DNAJC24: variants seen among roughly 807,000 people sequenced by gnomAD.
DNAJC24 encodes DnaJ heat shock protein family (Hsp40) member C24.
A neutral mutation model predicts 18.0 loss-of-function variants in DNAJC24; 17 were observed. That is an observed-to-expected ratio of 0.94 (90% CI 0.65 to 1.42). DNAJC24 has a LOEUF of 1.42. DNAJC24 is among the 40% of genes most tolerant of loss of function. DNAJC24 has a pLI of 0.00. For synonymous variants in DNAJC24, 55 were observed against 57.7 expected (o/e 0.95, Z 0.21); for missense variants, 158 against 175.6 (o/e 0.90, Z 0.57).
At chr11:31,395,422 T>G (rs1166542917) in intron 2 of DNAJC24, among the ~76,000 whole-genome samples, 3 of 152,142 alleles carry the variant, frequency 2.0e-5, no homozygotes, top group Non-Finnish European at 2.9e-5. Context: ...AATAATGGGA[T>G]TGCTGGTCGA....
At chr11:31,389,993 A>G (rs768870218) in intron 2 of DNAJC24, among the ~76,000 whole-genome samples, 1 of 152,202 alleles carries the variant, frequency 6.6e-6, no homozygotes, top group Non-Finnish European at 1.5e-5. Context: ...ACCAAAACCT[A>G]TGGAATAAAG....
Position 31,432,205 on chromosome 11 carries a change from G to A in DNAJC24, c.*1804G>A, listed in dbSNP as rs568541397. Among the ~76,000 whole-genome samples, 4 of 152,148 alleles carry A rather than the reference G, an allele frequency of 2.6e-5. No individual in the cohort carries two copies. The highest frequency in any genetic ancestry group is 6.5e-5 in the Admixed American group (1 of 15,280). ...AGGTATATTTAAGAAGAATAGATTA[G>A]TTTCATTATACCTATAAGAACAAGA... On this transcript the variant is annotated 3_prime_UTR_variant, in exon 5 of 5. Transcript: ENST00000465995.
At chr11:31,422,868 C>T (rs923532216) in intron 3 of DNAJC24, among the ~76,000 whole-genome samples, 1 of 152,102 alleles carries the variant, frequency 6.6e-6, no homozygotes, top group Admixed American at 6.6e-5. Context: ...AGGGAATTTG[C>T]TGTTGCCCCA....
At chr11:31,408,425 A>C in intron 2 of DNAJC24, 1 of 282,318 alleles carries the variant, frequency 3.5e-6, no homozygotes, top group Non-Finnish European at 7.0e-6. Flanking sequence ...GAGGTGACAC[A>C]TTGTGACAGT....
In DNAJC24 at chr11:31,375,200, G is replaced by A. The variant is rs1213139301; in HGVS notation, c.111+4341G>A. 2.2e-5 allele frequency among the ~76,000 whole-genome samples: 3 copies of A among 134,782 alleles called. 1 individual carries two copies. Among genetic ancestry groups the A allele is most frequent in the Non-Finnish European group, 5.2e-5 (3 of 58,240 alleles). The allele number at this position is 134,782 out of a possible 152,430, so 88.4% of individuals were successfully genotyped here. A position where few individuals can be genotyped will look rare whatever the true frequency, so the allele number is the denominator to read the frequency against. On this transcript the variant is annotated intron_variant, in intron 2 of 4. Transcript: ENST00000465995. ...TCTCTAATTAATTTGCCATTTAGTG[G>A]AAGCCCTGAACTATTTTCTTTTCCC...
rs953570926 is a variant in DNAJC24 at position 31,408,048 on chromosome 11, G to A, written c.112-6763G>A. ...GACATTTATGATTAGTGAACGAAAGGTATCAAATATAAAAAAAATTCCGAC... is the reference window on the plus strand; with the variant it reads ...GACATTTATGATTAGTGAACGAAAGATATCAAATATAAAAAAAATTCCGAC... On this transcript the variant is annotated intron_variant, in intron 2 of 4. Transcript: ENST00000465995. The A allele has an allele frequency of 1.6e-4, 73 of 455,134 alleles. 1 individual carries two copies. The Admixed American group carries it at 1.7e-3, about 11-fold the overall frequency. The allele number at this position is 455,134 out of a possible 1,614,324, so 28.2% of individuals were successfully genotyped here.
Position 31,432,140 on chromosome 11 carries a change from A to G in DNAJC24, c.*1739A>G, listed in dbSNP as rs1407279787. Among the ~76,000 whole-genome samples, 1 of 152,204 alleles carries G rather than the reference A, an allele frequency of 6.6e-6. No individual in the cohort carries two copies. The highest frequency in any genetic ancestry group is 2.4e-5 in the African/African-American group (1 of 41,446). Reference sequence around the variant, plus strand: ...TCAGGTTGAACTTATAAATACGAATAGTTACTACTCTGACTTGTAAATGTA... The same window carrying G: ...TCAGGTTGAACTTATAAATACGAATGGTTACTACTCTGACTTGTAAATGTA... On this transcript the variant is annotated 3_prime_UTR_variant, in exon 5 of 5. Coordinates refer to ENST00000465995, the MANE Select transcript of DNAJC24 (RefSeq NM_181706.5).
intron 2 of DNAJC24, among the ~76,000 whole-genome samples, chr11:31,377,438 A>T (rs1952328230): frequency 6.6e-6 from 1 of 152,140 alleles, no homozygotes; most frequent in African/African-American, 2.4e-5. Context: ...TACATATTAT[A>T]GACATACATA....
chr11:31,415,097 C>A, intron 3 of DNAJC24, 148 bp downstream of exon 3: 1 of 817,514 alleles, frequency 1.2e-6, no homozygotes. Context: ...TAATTATGCC[C>A]TATTCTTAGC....
At chr11:31,427,143 A>C (rs1591924287) in intron 4 of DNAJC24, 1 of 152,320 alleles carries the variant, frequency 6.6e-6, no homozygotes, top group Non-Finnish European at 1.5e-5. Context: ...GCATGAGTAC[A>C]AATTCCCTCC....
intron 2 of DNAJC24, among the ~76,000 whole-genome samples, chr11:31,382,898 T>C (rs753245556): frequency 7.2e-5 from 11 of 152,190 alleles, no homozygotes; most frequent in Non-Finnish European, 1.6e-4. Flanking sequence ...TGCCTCTGAC[T>C]GACTGGCTGT....
intron 2 of DNAJC24, among the ~76,000 whole-genome samples, chr11:31,380,238 C>G (rs1232186958): frequency 6.6e-6 from 1 of 152,058 alleles, no homozygotes; most frequent in East Asian, 1.9e-4. Flanking sequence ...CATAGAATGT[C>G]AAAAACTAAA....
At chr11:31,390,455 C>A (rs1021987113) in intron 2 of DNAJC24, among the ~76,000 whole-genome samples, 2 of 149,136 alleles carry the variant, frequency 1.3e-5, no homozygotes, top group African/African-American at 4.9e-5. Flanking sequence ...TGCCTGTAAT[C>A]CCAACACTTT....
intron 2 of DNAJC24, among the ~76,000 whole-genome samples, chr11:31,397,463 A>C (rs1282049644): frequency 6.8e-6 from 1 of 146,344 alleles, no homozygotes; most frequent in Non-Finnish European, 1.5e-5. Context: ...GTTGTACTTG[A>C]CTTTACCTTT....
At chr11:31,393,574 T>A (rs1375364464) in intron 2 of DNAJC24, among the ~76,000 whole-genome samples, 1 of 152,120 alleles carries the variant, frequency 6.6e-6, no homozygotes, top group African/African-American at 2.4e-5. Flanking sequence ...TTGGCCCATA[T>A]CCCTGCTATG....
chr11:31,398,994 AG>A (rs1952571843), intron 2 of DNAJC24, among the ~76,000 whole-genome samples: 1 of 152,180 alleles, frequency 6.6e-6, no homozygotes, highest in Non-Finnish European at 1.5e-5. Context: ...GGGAAATTGG[AG>A]GTAAAGGGTT....
At chr11:31,406,752 T>G (rs1952661499) in intron 2 of DNAJC24, among the ~76,000 whole-genome samples, 1 of 152,116 alleles carries the variant, frequency 6.6e-6, no homozygotes, top group African/African-American at 2.4e-5. Flanking sequence ...GAGCTAATGT[T>G]GGTCTGTACT....
intron 2 of DNAJC24, among the ~76,000 whole-genome samples, chr11:31,383,820 T>C (rs1200614922): frequency 1.4e-4 from 22 of 152,248 alleles, no homozygotes. Flanking sequence ...GTATCTCCTC[T>C]GCACAGCTAG....
intron 2 of DNAJC24, among the ~76,000 whole-genome samples, chr11:31,382,322 A>C (rs894063982): frequency 1.1e-4 from 17 of 152,174 alleles, no homozygotes; most frequent in African/African-American, 4.1e-4. Flanking sequence ...AAAAATCAAC[A>C]CAATAATACC....
Sources: gnomAD v4.1 joint callset for allele counts (sites outside exome capture counted in the v4.1 genomes callset) on GRCh38, gnomAD v4.1.1 for gene constraint, MANE v1.5 for transcripts, NCBI Gene and HGNC (gene_info 2026-07-23, HGNC 2026-07-21) for gene names.